BABAM2: variants seen among roughly 807,000 people sequenced by gnomAD.
The protein encoded by BABAM2 is BRISC and BRCA1-A complex member 2.
In BABAM2, 31 loss-of-function variants were observed where a neutral mutation model predicts 54.7. The ratio of observed to expected loss-of-function variants is 0.57; its 90% CI spans 0.43 to 0.77. BABAM2 has a LOEUF of 0.77. Among genes scored for constraint, BABAM2 ranks in the 30% least tolerant of loss-of-function variants. The pLI is 0.00. For missense variants in BABAM2, 364 were observed against 455.8 expected (o/e 0.80, Z 1.83); for synonymous variants, 167 against 162.9 (o/e 1.03, Z -0.19).
chr2:27,950,070 A>G (rs1329114580), intron 3 of BABAM2, among the ~76,000 whole-genome samples: 1 of 152,196 alleles, frequency 6.6e-6, no homozygotes, highest in Non-Finnish European at 1.5e-5. Context: ...TCACTCCTAG[A>G]CTTCCAGCAG....
chr2:28,255,005 G>A (rs1016032960), intron 10 of BABAM2, among the ~76,000 whole-genome samples: 7 of 151,868 alleles, frequency 4.6e-5, no homozygotes, highest in Admixed American at 4.6e-4. Flanking sequence ...CCAAAGTCCT[G>A]GGATTGCAGG....
intron 6 of BABAM2, among the ~76,000 whole-genome samples, chr2:28,084,772 C>T (rs139751340): frequency 1.2e-4 from 18 of 152,168 alleles, no homozygotes; most frequent in African/African-American, 4.3e-4. Context: ...GAAAACTTGG[C>T]CTGAGGAGCC....
chr2:28,079,383 GA>G (rs1365167703), intron 6 of BABAM2, among the ~76,000 whole-genome samples: 1 of 152,122 alleles, frequency 6.6e-6, no homozygotes, highest in African/African-American at 2.4e-5. Flanking sequence ...TATTTCTAGA[GA>G]AAGTCTTCAG....
intron 7 of BABAM2, among the ~76,000 whole-genome samples, chr2:28,156,213 A>C (rs1006994278): frequency 1.3e-5 from 2 of 152,122 alleles, no homozygotes; most frequent in Non-Finnish European, 2.9e-5. Context: ...TCCTCCCACA[A>C]GATTTGTCGC....
chr2:27,976,100 C>T (rs1414276796), intron 3 of BABAM2, among the ~76,000 whole-genome samples: 14 of 151,976 alleles, frequency 9.2e-5, no homozygotes, highest in Admixed American at 7.9e-4. Flanking sequence ...AACTCTCATG[C>T]GTTGTTGGTT....
intron 2 of BABAM2, among the ~76,000 whole-genome samples, chr2:27,919,821 T>C (rs1480511395): frequency 6.6e-6 from 1 of 152,204 alleles, no homozygotes; most frequent in Non-Finnish European, 1.5e-5. Context: ...CCTACCAACA[T>C]TTAAAAATAC....
intron 7 of BABAM2, among the ~76,000 whole-genome samples, chr2:28,186,636 AAGAGAGAGAGTATGTG>A (rs902287225): frequency 3.9e-4 from 59 of 152,088 alleles, no homozygotes; most frequent in African/African-American, 1.4e-3. Flanking sequence ...AGAGGGGAGA[AAGAGAGAGAGTATGTG>A]AGAGAGAGGG....
At chr2:28,323,193 C>G (rs1481992909) in intron 11 of BABAM2, among the ~76,000 whole-genome samples, 1 of 152,202 alleles carries the variant, frequency 6.6e-6, no homozygotes, top group Non-Finnish European at 1.5e-5. Context: ...ATTACTAGCA[C>G]AGGAGTGGCC....
At chr2:28,141,628 G>A (rs911817612) in intron 7 of BABAM2, among the ~76,000 whole-genome samples, 1 of 152,008 alleles carries the variant, frequency 6.6e-6, no homozygotes, top group Non-Finnish European at 1.5e-5. Flanking sequence ...AAGGCTCTAG[G>A]GTATTAAAAC....
chr2:28,056,989 T>G (rs938270967), intron 6 of BABAM2, among the ~76,000 whole-genome samples: 1 of 152,052 alleles, frequency 6.6e-6, no homozygotes, highest in Non-Finnish European at 1.5e-5. Flanking sequence ...AGAATGCAAT[T>G]TTTTAAGGAA....
intron 11 of BABAM2, among the ~76,000 whole-genome samples, chr2:28,334,114 C>A (rs1208878044): frequency 1.3e-5 from 2 of 152,238 alleles, no homozygotes; most frequent in Non-Finnish European, 2.9e-5. Flanking sequence ...CCTCGCCACG[C>A]TTCCCCTTGG....
At chr2:28,019,020 GC>G (rs1465432054) in intron 4 of BABAM2, among the ~76,000 whole-genome samples, 1 of 151,870 alleles carries the variant, frequency 6.6e-6, no homozygotes, top group Non-Finnish European at 1.5e-5. Flanking sequence ...CCCTTGACAG[GC>G]CCCAGTGTGT....
chr2:27,899,069 GC>G (rs1389844955), intron 2 of BABAM2, among the ~76,000 whole-genome samples: 1 of 151,568 alleles, frequency 6.6e-6, no homozygotes, highest in Non-Finnish European at 1.5e-5. Context: ...TTTGAGACCA[GC>G]CTAGGCAACA....
chr2:28,190,339 T>C (rs1676763191), intron 7 of BABAM2, among the ~76,000 whole-genome samples: 1 of 152,182 alleles, frequency 6.6e-6, no homozygotes, highest in Non-Finnish European at 1.5e-5. Flanking sequence ...ACTTCTTTCA[T>C]AGATGGCCAT....
intron 7 of BABAM2, among the ~76,000 whole-genome samples, chr2:28,218,801 C>A (rs535078956): frequency 6.6e-6 from 1 of 152,084 alleles, no homozygotes; most frequent in Non-Finnish European, 1.5e-5. Context: ...TTTCTTACTA[C>A]GTTTATTAGT....
intron 7 of BABAM2, among the ~76,000 whole-genome samples, chr2:28,173,689 G>A (rs1329261577): frequency 2.0e-5 from 3 of 152,212 alleles, no homozygotes; most frequent in Non-Finnish European, 4.4e-5. Context: ...GCTGTTTTTA[G>A]ACTTTTAATT....
chr2:28,297,552 A>C (rs1687796813), intron 10 of BABAM2, among the ~76,000 whole-genome samples: 1 of 152,226 alleles, frequency 6.6e-6, no homozygotes, highest in African/African-American at 2.4e-5. Flanking sequence ...GAACCCCAAA[A>C]TGAAAGATAA....
chr2:28,094,186 TAG>T (rs1298622774), intron 6 of BABAM2, among the ~76,000 whole-genome samples: 2 of 152,180 alleles, frequency 1.3e-5, no homozygotes, highest in African/African-American at 4.8e-5. Context: ...TATCTATATG[TAG>T]AGAGAGATGA....
chr2:27,894,767 A>G, intron 2 of BABAM2, 83 bp downstream of exon 2: 4 of 1,527,654 alleles, frequency 2.6e-6, no homozygotes, highest in Non-Finnish European at 3.6e-6. Flanking sequence ...CCAGACTCAT[A>G]AAAATTGACT....
Sources: gnomAD v4.1 joint callset for allele counts (sites outside exome capture counted in the v4.1 genomes callset) on GRCh38, gnomAD v4.1.1 for gene constraint, MANE v1.5 for transcripts, NCBI Gene and HGNC (gene_info 2026-07-23, HGNC 2026-07-21) for gene names.